The following SLC12A2 variants were observed in gnomAD, a reference collection of about 807,000 sequenced individuals.
SLC12A2 encodes Na-K-2Cl cotransporter 1.
A neutral mutation model predicts 136.3 loss-of-function variants in SLC12A2; 67 were observed. That is an observed-to-expected ratio of 0.49 (90% CI 0.40 to 0.60). The LOEUF (loss-of-function observed/expected upper bound fraction) is 0.60. Ranked by LOEUF, SLC12A2 falls within the 20% of genes least tolerant of loss-of-function variation. SLC12A2 has a pLI of 0.00. For synonymous variants in SLC12A2, 619 were observed against 562.9 expected (o/e 1.10, Z -1.41); for missense variants, 1,322 against 1,534.7 (o/e 0.86, Z 2.32).
intron 15 of SLC12A2, among the ~76,000 whole-genome samples, chr5:128,153,179 G>A (rs1346903977): frequency 6.6e-6 from 1 of 152,208 alleles, no homozygotes; most frequent in Non-Finnish European, 1.5e-5. Flanking sequence ...TTAACTGGAA[G>A]CAACTTATAG....
chr5:128,174,582 G>A lies in SLC12A2; in HGVS notation c.2845G>A (p.Asp949Asn), dbSNP rs770442231. The A allele has an allele frequency of 6.2e-7, 1 of 1,609,106 alleles. No individual in the cohort carries two copies. The highest frequency in any genetic ancestry group is 1.1e-5 in the South Asian group (1 of 90,310). Reference protein sequence around the residue: ...SSQEKSPGTKDVVVSVEYSKK... With the variant: ...SSQEKSPGTKNVVVSVEYSKK... Reference sequence around the variant, plus strand: ...ACAAGAGAAATCTCCTGGCACCAAGGATGTGGTAGTAAGTGTGGAATATAG... The same window carrying A: ...ACAAGAGAAATCTCCTGGCACCAAGAATGTGGTAGTAAGTGTGGAATATAG... Residue 949 changes from aspartate to asparagine, a missense_variant, in exon 20 of 27, where the codon GAT becomes AAT. Transcript: ENST00000262461.
At chr5:128,142,263 C>T (rs771502558) in intron 10 of SLC12A2, among the ~76,000 whole-genome samples, 1 of 152,048 alleles carries the variant, frequency 6.6e-6, no homozygotes, top group Admixed American at 6.6e-5. Flanking sequence ...CCACCACACC[C>T]GGCTAATTTT....
At chr5:128,175,119 A>G (rs1182521958) in intron 20 of SLC12A2, among the ~76,000 whole-genome samples, 1 of 152,040 alleles carries the variant, frequency 6.6e-6, no homozygotes, top group Admixed American at 6.6e-5. Flanking sequence ...TCAGTCTAGT[A>G]TCTCCATCTG....
At chr5:128,147,914 A>G (rs938460998) in intron 11 of SLC12A2, among the ~76,000 whole-genome samples, 185 bp downstream of exon 11, 9 of 137,114 alleles carry the variant, frequency 6.6e-5, no homozygotes, top group Non-Finnish European at 1.1e-4. Flanking sequence ...GAATGTTTAT[A>G]TAAATATTTG....
chr5:128,171,226 A>G (rs1763366756), intron 18 of SLC12A2: 1 of 153,786 alleles, frequency 6.5e-6, no homozygotes, highest in Admixed American at 6.5e-5. Flanking sequence ...AGTCTTTTCA[A>G]AAAGAATTTC....
intron 4 of SLC12A2, among the ~76,000 whole-genome samples, chr5:128,127,835 A>G (rs976889262): frequency 6.6e-6 from 1 of 151,616 alleles, no homozygotes; most frequent in African/African-American, 2.4e-5. Context: ...GCTATTGTTT[A>G]TCAGTTTTTT....
At chr5:128,120,687 C>T (rs1405602753) in intron 4 of SLC12A2, among the ~76,000 whole-genome samples, 1 of 151,158 alleles carries the variant, frequency 6.6e-6, no homozygotes, top group Non-Finnish European at 1.5e-5. Context: ...GGAAGGGGAA[C>T]ATCACACTCT....
intron 1 of SLC12A2, among the ~76,000 whole-genome samples, chr5:128,105,598 T>C (rs958538262): frequency 1.3e-5 from 2 of 152,158 alleles, no homozygotes; most frequent in Admixed American, 6.5e-5. Flanking sequence ...TTAGAAACTT[T>C]GGCAAGAGTC....
intron 1 of SLC12A2, among the ~76,000 whole-genome samples, chr5:128,107,310 T>C (rs975207057): frequency 1.4e-4 from 22 of 152,338 alleles, no homozygotes; most frequent in African/African-American, 4.6e-4. Context: ...TTTTGAATTA[T>C]ACTTTAAGTT....
intron 9 of SLC12A2, 85 bp downstream of exon 9, chr5:128,138,993 CTT>C: frequency 1.1e-6 from 1 of 917,342 alleles, no homozygotes; most frequent in Admixed American, 2.4e-5. Context: ...CATTTGCTAA[CTT>C]TTTTAAATAC....
chr5:128,135,952 C>T (rs1298723482), intron 7 of SLC12A2, 144 bp downstream of exon 7: 6 of 636,772 alleles, frequency 9.4e-6, no homozygotes, highest in African/African-American at 1.9e-5. Context: ...AGTTTTGTCC[C>T]CTTTATGCTG....
intron 7 of SLC12A2, among the ~76,000 whole-genome samples, chr5:128,138,016 G>C (rs1762240293): frequency 6.6e-6 from 1 of 151,408 alleles, no homozygotes; most frequent in Non-Finnish European, 1.5e-5. Context: ...TGGGTCACTG[G>C]AGTGTCGACT....
intron 2 of SLC12A2, among the ~76,000 whole-genome samples, chr5:128,113,326 A>C (rs756253279): frequency 1.4e-3 from 220 of 152,180 alleles, no homozygotes; most frequent in Non-Finnish European, 2.6e-3. Flanking sequence ...GCTTCCTTTC[A>C]CATTCCCCCC....
chr5:128,167,717 T>G (rs1292379005), intron 17 of SLC12A2, 44 bp from the exon 18 acceptor site: 22 of 1,370,424 alleles, frequency 1.6e-5, no homozygotes, highest in Non-Finnish European at 2.0e-5. Flanking sequence ...AACATTTTGT[T>G]GAAAATAATA....
chr5:128,113,530 C>T (rs1761232819), intron 2 of SLC12A2, among the ~76,000 whole-genome samples: 1 of 151,992 alleles, frequency 6.6e-6, no homozygotes, highest in South Asian at 2.1e-4. Flanking sequence ...ACTTTGGAAG[C>T]ACTTAATAGG....
intron 11 of SLC12A2, 112 bp from the exon 12 acceptor site, chr5:128,148,642 G>A: frequency 2.4e-6 from 2 of 835,840 alleles, no homozygotes; most frequent in Middle Eastern, 2.7e-4. Flanking sequence ...GGATAAAAGA[G>A]ATGACCAAGA....
intron 19 of SLC12A2, among the ~76,000 whole-genome samples, chr5:128,173,684 T>C (rs1763452115): frequency 1.3e-5 from 2 of 152,190 alleles, no homozygotes; most frequent in African/African-American, 4.8e-5. Context: ...ACAGGTTGGT[T>C]GTTAAGATTA....
intron 4 of SLC12A2, among the ~76,000 whole-genome samples, chr5:128,116,625 C>A (rs536001803): frequency 6.6e-6 from 1 of 152,114 alleles, no homozygotes; most frequent in Admixed American, 6.5e-5. Flanking sequence ...ATGAGGTGTT[C>A]ATACGATCAA....
chr5:128,141,183 C>T (rs181692631), intron 9 of SLC12A2, among the ~76,000 whole-genome samples: 1 of 152,094 alleles, frequency 6.6e-6, no homozygotes, highest in East Asian at 1.9e-4. Context: ...CAAATTAGCT[C>T]AATAATTATT....
Sources: allele counts gnomAD v4.1 joint callset (sites outside exome capture counted in the v4.1 genomes callset), GRCh38; gene constraint gnomAD v4.1.1; transcripts MANE v1.5; gene names NCBI Gene and HGNC (gene_info 2026-07-23, HGNC 2026-07-21).